Variants in PTPN13 observed in about 807,000 individuals in gnomAD.
PTPN13 encodes the protein tyrosine-protein phosphatase non-receptor type 13.
Under a neutral mutation model 284.0 loss-of-function variants are expected in PTPN13, and 191 were observed. The observed-to-expected ratio is 0.67, with a 90% confidence interval of 0.60 to 0.76. The LOEUF is 0.76. Among genes scored for constraint, PTPN13 ranks in the 30% least tolerant of loss-of-function variants. The probability of loss-of-function intolerance (pLI) is 0.00; values close to 1 mark genes in which losing one functional copy is unlikely to be tolerated. For missense variants in PTPN13, 2,797 were observed against 2,939.9 expected (o/e 0.95, Z 1.12); for synonymous variants, 986 against 1,022.3 (o/e 0.96, Z 0.68).
At chr4:86,719,582 G>T (rs1358266741) in intron 9 of PTPN13, among the ~76,000 whole-genome samples, 1 of 152,052 alleles carries the variant, frequency 6.6e-6, no homozygotes, top group Non-Finnish European at 1.5e-5. Context: ...GAACTAATTT[G>T]CTCTCCCAAC....
At chr4:86,716,695 A>T in intron 8 of PTPN13, 70 bp downstream of exon 8, 1 of 1,095,094 alleles carries the variant, frequency 9.1e-7, no homozygotes. Context: ...AATAGTGTTC[A>T]AATATTAATA....
intron 2 of PTPN13, among the ~76,000 whole-genome samples, chr4:86,647,901 C>G (rs1467446894): frequency 1.3e-5 from 2 of 152,010 alleles, no homozygotes; most frequent in Non-Finnish European, 2.9e-5. Flanking sequence ...TACAAAAGTA[C>G]AGAATTGTGA....
At chr4:86,799,278 A>G in intron 42 of PTPN13, 74 bp downstream of exon 42, 2 of 876,240 alleles carry the variant, frequency 2.3e-6, no homozygotes, top group Non-Finnish European at 3.4e-6. Context: ...TTTTCAGACT[A>G]TATGGATATG....
intron 17 of PTPN13, among the ~76,000 whole-genome samples, chr4:86,745,461 G>C (rs939413956): frequency 6.6e-6 from 1 of 152,158 alleles, no homozygotes; most frequent in African/African-American, 2.4e-5. Flanking sequence ...CAACATGCTT[G>C]AAACAGCAAT....
At chr4:86,646,470 C>T (rs962669232) in intron 2 of PTPN13, among the ~76,000 whole-genome samples, 4 of 151,926 alleles carry the variant, frequency 2.6e-5, no homozygotes, top group Non-Finnish European at 2.9e-5. Context: ...GCTATTTTCT[C>T]GTATTTTAGT....
At chr4:86,682,161 T>A (rs963538992) in intron 3 of PTPN13, among the ~76,000 whole-genome samples, 4 of 152,216 alleles carry the variant, frequency 2.6e-5, no homozygotes, top group African/African-American at 9.7e-5. Flanking sequence ...AAATGGGTAG[T>A]TGTCTAGCTC....
chr4:86,615,628 C>T (rs1033758879), intron 1 of PTPN13, among the ~76,000 whole-genome samples: 12 of 152,216 alleles, frequency 7.9e-5, no homozygotes, highest in African/African-American at 2.9e-4. Context: ...ATAGGAAAAT[C>T]CCTATGACAT....
At chr4:86,776,400 C>T (rs1470047051) in intron 35 of PTPN13, among the ~76,000 whole-genome samples, 2 of 152,220 alleles carry the variant, frequency 1.3e-5, no homozygotes, top group African/African-American at 4.8e-5. Context: ...CATTTTCATA[C>T]TTCCCACCTG....
intron 7 of PTPN13, among the ~76,000 whole-genome samples, chr4:86,711,427 T>C (rs769822440): frequency 2.6e-5 from 4 of 152,190 alleles, no homozygotes; most frequent in Non-Finnish European, 5.9e-5. Flanking sequence ...TATGTGTTTA[T>C]GTACATTTAT....
intron 40 of PTPN13, 84 bp from the exon 41 acceptor site, chr4:86,796,790 A>G (rs778627137): frequency 2.2e-5 from 18 of 834,452 alleles, no homozygotes; most frequent in Non-Finnish European, 3.3e-5. Flanking sequence ...CAGTAAATAT[A>G]GGAAATAACT....
chr4:86,658,129 G>A (rs1243346712), intron 2 of PTPN13, among the ~76,000 whole-genome samples: 5 of 152,200 alleles, frequency 3.3e-5, no homozygotes, highest in Non-Finnish European at 7.3e-5. Flanking sequence ...GGTTCTTCTC[G>A]CTGGAGTTGG....
intron 2 of PTPN13, among the ~76,000 whole-genome samples, chr4:86,666,054 A>G (rs1424654767): frequency 6.6e-6 from 1 of 152,118 alleles, no homozygotes; most frequent in Non-Finnish European, 1.5e-5. Flanking sequence ...TGTAACAATG[A>G]TTTTTATAAA....
At chr4:86,610,481 G>A (rs751026868) in intron 1 of PTPN13, among the ~76,000 whole-genome samples, 8 of 152,130 alleles carry the variant, frequency 5.3e-5, no homozygotes, top group Non-Finnish European at 1.2e-4. Flanking sequence ...CTAAATGCCT[G>A]CAGGGGCAAA....
chr4:86,734,509 C>G, intron 13 of PTPN13, 53 bp downstream of exon 13: 1 of 1,415,478 alleles, frequency 7.1e-7, no homozygotes, highest in East Asian at 2.5e-5. Context: ...GTCTTTTGAC[C>G]CTTTAGCTTA....
chr4:86,626,833 C>T (rs1225242328), intron 1 of PTPN13, among the ~76,000 whole-genome samples: 1 of 152,020 alleles, frequency 6.6e-6, no homozygotes, highest in African/African-American at 2.4e-5. Context: ...TTCCCCCAAC[C>T]CCTACGTTAC....
intron 41 of PTPN13, among the ~76,000 whole-genome samples, chr4:86,797,678 C>G (rs1743506434): frequency 6.6e-6 from 1 of 151,838 alleles, no homozygotes; most frequent in Non-Finnish European, 1.5e-5. Flanking sequence ...CTGTCTTCAC[C>G]TATTGGGTTA....
In PTPN13 at chr4:86,734,328, T is replaced by C; in HGVS notation, c.1884T>C (p.Pro628=). The C allele has an allele frequency of 1.3e-6, 2 of 1,530,940 alleles. No individual in the cohort carries two copies. Among genetic ancestry groups the C allele is most frequent in the Non-Finnish European group, 1.8e-6 (2 of 1,134,270 alleles). 94.8% of individuals were successfully genotyped at this position (1,530,940 alleles called of 1,614,324 possible). A position where few individuals can be genotyped will look rare whatever the true frequency, so the allele number is the denominator to read the frequency against. ...ATAATGAATATTTCTTTGTTGATCC[T>C]GACTTAAAATTAACCAAAGTGGCCC... The part of the protein sequence containing the change: ...LKDNEYFFVD[P]DLKLTKVAPE... Residue 628 remains proline (P), a synonymous_variant, in exon 13 of 48, where the codon CCT becomes CCC. Coordinates refer to ENST00000411767, the MANE Select transcript of PTPN13 (RefSeq NM_080683.3).
At chr4:86,742,916 G>A (rs1242249555) in intron 16 of PTPN13, among the ~76,000 whole-genome samples, 3 of 152,132 alleles carry the variant, frequency 2.0e-5, no homozygotes, top group South Asian at 2.1e-4. Flanking sequence ...TATATAGAAC[G>A]AGCTGTGATT....
intron 12 of PTPN13, 24 bp downstream of exon 12, chr4:86,732,790 A>G (rs1380383430): frequency 6.3e-7 from 1 of 1,591,182 alleles, no homozygotes; most frequent in Admixed American, 1.7e-5. Context: ...TTATATTCAG[A>G]GTACAGTATA....
Sources: allele counts gnomAD v4.1 joint callset (sites outside exome capture counted in the v4.1 genomes callset), GRCh38; gene constraint gnomAD v4.1.1; transcripts MANE v1.5; gene names NCBI Gene and HGNC (gene_info 2026-07-23, HGNC 2026-07-21).